The following PLEKHS1 variants were observed in gnomAD, a reference collection of about 807,000 sequenced individuals.
PLEKHS1 encodes the protein pleckstrin homology domain containing S1.
In PLEKHS1, 55 loss-of-function variants were observed where a neutral mutation model predicts 51.0. The observed-to-expected ratio is 1.08, with a 90% CI of 0.87 to 1.35. The LOEUF (loss-of-function observed/expected upper bound fraction) is 1.35. PLEKHS1 is among the 40% of genes most tolerant of loss of function. PLEKHS1 has a pLI of 0.00. For missense variants in PLEKHS1, 398 were observed against 423.0 expected, an observed-to-expected ratio of 0.94 and a Z score of 0.52; for synonymous variants, 153 against 144.8, an observed-to-expected ratio of 1.06 and a Z score of -0.41.
chr10:113,765,283 G>C (rs1367556613), intron 2 of PLEKHS1: 1 of 762,544 alleles, frequency 1.3e-6, no homozygotes, highest in Admixed American at 1.8e-5. Flanking sequence ...GCTCAGTGTA[G>C]AACTAGTAAT....
At chr10:113,757,037 T>C (rs1854152435) in intron 2 of PLEKHS1, among the ~76,000 whole-genome samples, 2 of 146,832 alleles carry the variant, frequency 1.4e-5, no homozygotes, top group Non-Finnish European at 3.0e-5. Context: ...TGCCTCAGCC[T>C]CCCGAGTAGC....
At chr10:113,761,082 C>T (rs114373085) in intron 2 of PLEKHS1, among the ~76,000 whole-genome samples, 1,604 of 152,234 alleles carry the variant, frequency 0.011, 26 homozygotes, top group African/African-American at 0.037. Context: ...ATTGAATGGC[C>T]GTGACCACTA....
chr10:113,758,674 T>C (rs1012165829), intron 2 of PLEKHS1, among the ~76,000 whole-genome samples: 12 of 152,174 alleles, frequency 7.9e-5, no homozygotes, highest in Admixed American at 4.6e-4. Flanking sequence ...AAGTTATTAA[T>C]TGGCCTAATT....
chr10:113,769,584 C>G (rs1169007498), intron 6 of PLEKHS1, among the ~76,000 whole-genome samples, 200 bp from the exon 7 acceptor site: 2 of 152,212 alleles, frequency 1.3e-5, no homozygotes, highest in East Asian at 3.9e-4. Context: ...GAGGGTCAGG[C>G]TAAATGTCCT....
intron 2 of PLEKHS1, among the ~76,000 whole-genome samples, chr10:113,757,192 C>T (rs1854162560): frequency 6.6e-6 from 1 of 152,116 alleles, no homozygotes; most frequent in Non-Finnish European, 1.5e-5. Flanking sequence ...GGATTACAGG[C>T]ATGAGCACCG....
intron 2 of PLEKHS1, chr10:113,765,366 A>G (rs1457975320): frequency 5.1e-6 from 4 of 779,390 alleles, no homozygotes; most frequent in Non-Finnish European, 9.6e-6. Flanking sequence ...CCTGTAAATT[A>G]TAAGTTTTTC....
At chr10:113,775,415 C>T (rs1333384534) in intron 10 of PLEKHS1, among the ~76,000 whole-genome samples, 1 of 152,176 alleles carries the variant, frequency 6.6e-6, no homozygotes, top group Non-Finnish European at 1.5e-5. Flanking sequence ...GTTATTTAGG[C>T]TTTAAGTGAT....
intron 2 of PLEKHS1, among the ~76,000 whole-genome samples, chr10:113,764,416 A>G (rs1297476386): frequency 1.3e-5 from 2 of 152,060 alleles, no homozygotes; most frequent in South Asian, 2.1e-4. Context: ...ATATTGTTTT[A>G]CTTTTTCTTG....
At chr10:113,773,037 G>A (rs368365179) in intron 8 of PLEKHS1, among the ~76,000 whole-genome samples, 2 of 152,284 alleles carry the variant, frequency 1.3e-5, no homozygotes, top group Admixed American at 6.5e-5. Context: ...GGAATGCTGC[G>A]TCATTTCCCA....
rs1485091886 is a variant in PLEKHS1 at position 113,766,595 on chromosome 10, A to T, written c.118-17A>T. On this transcript the variant is annotated splice_polypyrimidine_tract_variant and intron_variant, in intron 3 of 11. Coordinates refer to ENST00000361048, the Ensembl canonical transcript of PLEKHS1. ...CTCTGAGATTTAACTAAGACATAAA[A>T]TCTTTTTATTTTTCAGACCTCTTGG... 2.5e-6 allele frequency: 4 copies of T among 1,598,374 alleles called. No homozygotes were observed. Among genetic ancestry groups the T allele is most frequent in the Non-Finnish European group, 3.4e-6 (4 of 1,173,536 alleles).
chr10:113,776,803 A>C (rs1844686816), intron 11 of PLEKHS1, among the ~76,000 whole-genome samples: 1 of 152,248 alleles, frequency 6.6e-6, no homozygotes, highest in African/African-American at 2.4e-5. Context: ...AGTAAATGTA[A>C]AATGCATTTT....
intron 2 of PLEKHS1, among the ~76,000 whole-genome samples, chr10:113,763,467 G>A (rs1366043712): frequency 6.6e-6 from 1 of 152,050 alleles, no homozygotes; most frequent in Non-Finnish European, 1.5e-5. Flanking sequence ...AGGTTTAAAT[G>A]TATCATATTG....
chr10:113,783,145 G>A (rs2134603953), downstream of PLEKHS1: 1 of 151,610 alleles, frequency 6.6e-6, no homozygotes, highest in African/African-American at 2.4e-5. Flanking sequence ...TGGGGCAGGA[G>A]AATCACTAGA....
At chr10:113,782,469 T>A (rs1844891221), downstream of PLEKHS1, 1 of 152,252 alleles carries the variant, frequency 6.6e-6, no homozygotes, top group Admixed American at 6.5e-5. Context: ...AAATCCCATG[T>A]CGAGCTGTGG....
intron 11 of PLEKHS1, chr10:113,777,517 A>C: frequency 6.4e-7 from 1 of 1,560,340 alleles, no homozygotes; most frequent in Middle Eastern, 1.7e-4. Flanking sequence ...TAGCAAAAAG[A>C]GCTTGCATGG....
exon 12 of PLEKHS1, chr10:113,781,427 C>A (rs1158317610): frequency 8.4e-6 from 1 of 119,640 alleles, no homozygotes; most frequent in African/African-American, 3.3e-5. Context: ...TCCCAAACAC[C>A]TCCTTCCCCA....
Position 113,777,566 on chromosome 10 carries a change from A to G in PLEKHS1, c.1091+1700A>G, listed in dbSNP as rs1315410582. The stretch of plus-strand genomic sequence containing the variant: ...CAGGGATTCCAAAACAGCTCCTTCA[A>G]CCAATTTGTGCCTCAGTTTTCTTTT... On this transcript the variant is annotated intron_variant, in intron 11 of 11. Coordinates refer to ENST00000361048, the Ensembl canonical transcript of PLEKHS1. 1.3e-6 allele frequency: 2 copies of G among 1,550,772 alleles called. No individual in the cohort carries two copies. The highest frequency in any genetic ancestry group is 4.9e-5 in the East Asian group (2 of 40,944).
chr10:113,775,391 T>G (rs561095217), intron 10 of PLEKHS1, among the ~76,000 whole-genome samples: 1 of 152,258 alleles, frequency 6.6e-6, no homozygotes, highest in Non-Finnish European at 1.5e-5. Flanking sequence ...GACTTAGTTA[T>G]AGACCAGGAG....
chr10:113,754,542 G>A lies in PLEKHS1; in HGVS notation c.-19-717G>A, dbSNP rs575276899. On this transcript the variant is annotated intron_variant, in intron 1 of 11. Transcript: ENST00000361048. ...GGCTGGAGTGCAGTGGAGTGATCTCGGCTCACTGCAACCTCCGCCTCCCGG... is the reference window on the plus strand; with the variant it reads ...GGCTGGAGTGCAGTGGAGTGATCTCAGCTCACTGCAACCTCCGCCTCCCGG... 1.3e-4 allele frequency among the ~76,000 whole-genome samples: 20 copies of A among 152,086 alleles called. No homozygotes were observed. The South Asian group carries it at 2.9e-3, about 22-fold the overall frequency.
Sources: allele counts gnomAD v4.1 joint callset (sites outside exome capture counted in the v4.1 genomes callset), GRCh38; gene constraint gnomAD v4.1.1; transcripts MANE v1.5; gene names NCBI Gene and HGNC (gene_info 2026-07-23, HGNC 2026-07-21).